WDFY4: variants seen among roughly 807,000 people sequenced by gnomAD.
WDFY4 encodes WDFY family member 4.
A neutral mutation model predicts 351.9 loss-of-function variants in WDFY4; 169 were observed. The ratio of observed to expected loss-of-function variants is 0.48; its 90% confidence interval spans 0.42 to 0.55. The LOEUF is 0.55. Among genes scored for constraint, WDFY4 ranks in the 20% least tolerant of loss-of-function variants. The pLI, the probability that WDFY4 is intolerant of heterozygous loss-of-function variation, is 0.00. For missense variants in WDFY4, 3,803 were observed against 3,935.6 expected (o/e 0.97, Z 0.90); for synonymous variants, 1,622 against 1,574.6 (o/e 1.03, Z -0.71).
chr10:48,756,698 T>C (rs1274676863), intron 12 of WDFY4, among the ~76,000 whole-genome samples: 1 of 152,130 alleles, frequency 6.6e-6, no homozygotes, highest in African/African-American at 2.4e-5. Flanking sequence ...AAATGCTTTT[T>C]ATGCATTAAA....
intron 13 of WDFY4, among the ~76,000 whole-genome samples, chr10:48,772,701 C>T (rs1371638601): frequency 6.8e-6 from 1 of 147,824 alleles, no homozygotes; most frequent in Admixed American, 6.7e-5. Context: ...CCCCCTTACC[C>T]CCACCCCACC....
intron 43 of WDFY4, among the ~76,000 whole-genome samples, chr10:48,888,877 C>T (rs1460658441): frequency 6.6e-6 from 1 of 152,218 alleles, no homozygotes; most frequent in East Asian, 1.9e-4. Context: ...CATGATCACT[C>T]TGGTTTTTCT....
At chr10:48,809,199 CCATCACCACCACCAT>C (rs1418898583) in intron 28 of WDFY4, among the ~76,000 whole-genome samples, 4 of 149,186 alleles carry the variant, frequency 2.7e-5, no homozygotes, top group African/African-American at 5.1e-5. Context: ...ATCACCATCA[CCATCACCACCACCAT>C]CATCACCACC....
intron 19 of WDFY4, among the ~76,000 whole-genome samples, chr10:48,783,208 A>G (rs111804780): frequency 2.4e-3 from 359 of 152,272 alleles, no homozygotes; most frequent in African/African-American, 8.2e-3. Context: ...AAGTCCCTTA[A>G]ATAAAATGGT....
At chr10:48,846,150 T>C (rs2068768822) in intron 39 of WDFY4, among the ~76,000 whole-genome samples, 1 of 152,246 alleles carries the variant, frequency 6.6e-6, no homozygotes, top group Admixed American at 6.5e-5. Flanking sequence ...CCAATGGAGT[T>C]AAGAAGCCTT....
chr10:48,699,890 G>A (rs2063431974), intron 1 of WDFY4, among the ~76,000 whole-genome samples: 1 of 152,142 alleles, frequency 6.6e-6, no homozygotes, highest in Non-Finnish European at 1.5e-5. Context: ...CTCAGGTGGT[G>A]GTCCTCCAGG....
At chr10:48,790,582 C>A (rs2066644536) in intron 22 of WDFY4, 145 bp from the exon 23 acceptor site, 1 of 881,726 alleles carries the variant, frequency 1.1e-6, no homozygotes, top group Non-Finnish European at 1.7e-6. Flanking sequence ...GCTCTTCCCC[C>A]CAGCCTGTCC....
In WDFY4 at chr10:48,817,426, TC is replaced by T; in HGVS notation, c.5505+20del. ...GCCCAAAAGGTAGGACATGCTGCTG[TC>T]CCACCCAGAGAGAGCAGTTGTGAGC... On this transcript the variant is annotated intron_variant, in intron 32 of 61. Coordinates refer to ENST00000325239, the MANE Select transcript of WDFY4 (RefSeq NM_001394531.1). 1 of 1,543,414 alleles carries T rather than the reference TC, an allele frequency of 6.5e-7. No individual in the cohort carries two copies. Among genetic ancestry groups the T allele is most frequent in the Non-Finnish European group, 8.8e-7 (1 of 1,141,232 alleles).
At chr10:48,823,544 A>G (rs2067899346) in intron 35 of WDFY4, 4 of 1,088,820 alleles carry the variant, frequency 3.7e-6, no homozygotes, top group Non-Finnish European at 4.5e-6. Context: ...GAGCAGGTCC[A>G]AGCAAACCTG....
chr10:48,797,774 T>G (rs779075822), intron 24 of WDFY4, among the ~76,000 whole-genome samples: 1 of 152,226 alleles, frequency 6.6e-6, no homozygotes, highest in Non-Finnish European at 1.5e-5. Context: ...AACATTTTCT[T>G]AGAATAAATT....
intron 4 of WDFY4, among the ~76,000 whole-genome samples, chr10:48,722,044 C>T (rs1475359076): frequency 6.6e-6 from 1 of 152,176 alleles, no homozygotes; most frequent in Non-Finnish European, 1.5e-5. Context: ...TCTCCAAATT[C>T]TTCCAGCTTC....
chr10:48,952,714 G>A (rs990736812), intron 51 of WDFY4, among the ~76,000 whole-genome samples: 1 of 151,966 alleles, frequency 6.6e-6, no homozygotes, highest in African/African-American at 2.4e-5. Context: ...AGTCTTGACG[G>A]GTTCACTCAT....
rs1168444722 is a variant in WDFY4 at position 48,897,588 on chromosome 10, G to A, written c.7437+14G>A. 2.6e-6 allele frequency: 4 copies of A among 1,542,486 alleles called. No individual in the cohort carries two copies. The Middle Eastern group carries it at 6.7e-4, about 258-fold the overall frequency. On this transcript the variant is annotated intron_variant, in intron 45 of 61. Transcript: ENST00000325239. ...TTCCTCCTGCAGGTAAGCACACTGG[G>A]TGCTGGCACGCCTGGGGCCTGCGAG...
At chr10:48,852,729 C>T (rs572050279) in intron 39 of WDFY4, among the ~76,000 whole-genome samples, 1 of 152,324 alleles carries the variant, frequency 6.6e-6, no homozygotes, top group South Asian at 2.1e-4. Flanking sequence ...CTACAAGCTC[C>T]TGGCCTGAAC....
Position 48,809,943 on chromosome 10 carries a change from C to T in WDFY4, c.4839-587C>T, listed in dbSNP as rs571234242. ...CTTTGCTGAACCCAGTGTCTTTGGC[C>T]AACCCATTGGCCATTCATCTCCCTG... On this transcript the variant is annotated intron_variant, in intron 28 of 61. Coordinates refer to ENST00000325239, the MANE Select transcript of WDFY4 (RefSeq NM_001394531.1). 3.9e-5 allele frequency among the ~76,000 whole-genome samples: 6 copies of T among 152,328 alleles called. No individual in the cohort carries two copies. In the South Asian group the frequency reaches 1.2e-3, roughly 32 times the overall value.
intron 24 of WDFY4, among the ~76,000 whole-genome samples, chr10:48,801,321 A>T (rs1366620059): frequency 6.6e-6 from 1 of 152,262 alleles, no homozygotes; most frequent in African/African-American, 2.4e-5. Flanking sequence ...TGTTCTGGAA[A>T]GGAAATGTGA....
chr10:48,870,182 G>A (rs925271462), intron 40 of WDFY4, among the ~76,000 whole-genome samples: 1 of 152,204 alleles, frequency 6.6e-6, no homozygotes, highest in East Asian at 1.9e-4. Flanking sequence ...CTGAAAGTAG[G>A]GAAGGGCTGG....
chr10:48,723,872 C>A (rs1248694691), intron 5 of WDFY4, among the ~76,000 whole-genome samples: 1 of 152,078 alleles, frequency 6.6e-6, no homozygotes, highest in Admixed American at 6.5e-5. Flanking sequence ...CATCCTGGGT[C>A]CATACAAACT....
chr10:48,701,643 C>T (rs1396228805), intron 1 of WDFY4, among the ~76,000 whole-genome samples: 1 of 152,130 alleles, frequency 6.6e-6, no homozygotes, highest in Non-Finnish European at 1.5e-5. Context: ...GACCTGTCCC[C>T]AGCTGGTGGC....
Sources: allele counts gnomAD v4.1 joint callset (sites outside exome capture counted in the v4.1 genomes callset), GRCh38; gene constraint gnomAD v4.1.1; transcripts MANE v1.5; gene names NCBI Gene and HGNC (gene_info 2026-07-23, HGNC 2026-07-21).